Variants in DDAH1 observed in about 807,000 individuals in gnomAD.
The protein encoded by DDAH1 is dimethylarginine dimethylaminohydrolase 1, also known as N(G),N(G)-dimethylarginine dimethylaminohydrolase 1.
DDAH1 carries 19 observed loss-of-function variants against 28.8 expected under a neutral mutation model. The observed-to-expected ratio is 0.66, with a 90% CI of 0.46 to 0.97. DDAH1 has a LOEUF of 0.97. DDAH1 is among the 50% of genes least tolerant of loss of function. The pLI is 0.00. For synonymous variants in DDAH1, 153 were observed against 154.4 expected (o/e 0.99, Z 0.07); for missense variants, 326 against 375.9 (o/e 0.87, Z 1.10).
chr1:85,473,773 C>A (rs991957744), intron 2 of DDAH1, among the ~76,000 whole-genome samples: 5 of 152,148 alleles, frequency 3.3e-5, no homozygotes, highest in African/African-American at 1.2e-4. Flanking sequence ...TTTCCTCATT[C>A]TTTCCTTTAA....
intron 1 of DDAH1, among the ~76,000 whole-genome samples, chr1:85,421,408 A>C (rs1653135828): frequency 6.6e-6 from 1 of 152,184 alleles, no homozygotes; most frequent in Non-Finnish European, 1.5e-5. Flanking sequence ...TAACACAGTT[A>C]GATTGGTTTT....
At chr1:85,363,287 G>C (rs12130145) in intron 1 of DDAH1, among the ~76,000 whole-genome samples, 23,101 of 152,224 alleles carry the variant, frequency 0.15, 2,141 homozygotes, top group Middle Eastern at 0.21. Flanking sequence ...TCTGCTGCTA[G>C]ATACTATGAA....
chr1:85,491,997 G>T (rs1437432793), intron 2 of DDAH1, among the ~76,000 whole-genome samples: 1 of 152,134 alleles, frequency 6.6e-6, no homozygotes, highest in Non-Finnish European at 1.5e-5. Context: ...TCAGGTGCTG[G>T]TCTAACACTT....
chr1:85,404,624 T>C lies in DDAH1; in HGVS notation c.304-45777A>G. 6.3e-6 allele frequency: 6 copies of C among 950,584 alleles called. No homozygotes were observed. In the South Asian group the frequency reaches 2.1e-4, roughly 34 times the overall value. The allele number at this position is 950,584 out of a possible 1,614,324, so 58.9% of individuals were successfully genotyped here. A position where few individuals can be genotyped will look rare whatever the true frequency, so the allele number is the denominator to read the frequency against. On this transcript the variant is annotated intron_variant, in intron 1 of 5. Coordinates refer to ENST00000284031, the MANE Select transcript of DDAH1 (RefSeq NM_012137.4). ...TGTCTGCTGAAACCGAATCCAAGAG[T>C]TCAATGATACTGTAGACTCAAGTAT...
intron 1 of DDAH1, chr1:85,379,587 T>A (rs183519909): frequency 1.0e-6 from 1 of 985,216 alleles, no homozygotes; most frequent in Admixed American, 6.1e-5. Context: ...TTACATAACT[T>A]GTGAAAGAGT....
intron 2 of DDAH1, among the ~76,000 whole-genome samples, chr1:85,472,247 G>A (rs950950231): frequency 3.3e-5 from 5 of 152,210 alleles, no homozygotes; most frequent in African/African-American, 4.8e-5. Flanking sequence ...TCAGAGAGGC[G>A]AAGGAGAATC....
Position 85,321,579 on chromosome 1 carries a change from A to G in DDAH1, c.742-11T>C. 4.4e-6 allele frequency: 7 copies of G among 1,578,354 alleles called. No individual in the cohort carries two copies. Among genetic ancestry groups the G allele is most frequent in the Non-Finnish European group, 6.1e-6 (7 of 1,147,708 alleles). On this transcript the variant is annotated splice_polypyrimidine_tract_variant and intron_variant, in intron 5 of 5. Coordinates refer to ENST00000284031, the MANE Select transcript of DDAH1 (RefSeq NM_012137.4). ...CAGTTTCTCATAAACCTACAGTGGG[A>G]ATCAAGGAAAAGGAAGAAAAGAAGG...
At chr1:85,472,821 A>G (rs1046703278) in intron 2 of DDAH1, among the ~76,000 whole-genome samples, 14 of 152,144 alleles carry the variant, frequency 9.2e-5, no homozygotes, top group African/African-American at 3.1e-4. Context: ...CCATCATCCA[A>G]GTAGTGAACA....
At chr1:85,363,022 T>G (rs1209863267) in intron 1 of DDAH1, among the ~76,000 whole-genome samples, 1 of 152,250 alleles carries the variant, frequency 6.6e-6, no homozygotes, top group Non-Finnish European at 1.5e-5. Flanking sequence ...ATAGTTTTAC[T>G]AGGAAGCTAT....
intron 1 of DDAH1, among the ~76,000 whole-genome samples, chr1:85,410,305 A>C (rs1652589797): frequency 6.6e-6 from 1 of 151,968 alleles, no homozygotes; most frequent in South Asian, 2.1e-4. Flanking sequence ...AGATCTACAG[A>C]AATTTCCTTA....
In DDAH1 at chr1:85,464,682, G is replaced by A. The variant is rs913824776; in HGVS notation, c.303+61C>T. 3.5e-6 allele frequency: 5 copies of A among 1,427,312 alleles called. No individual in the cohort carries two copies. Among genetic ancestry groups the A allele is most frequent in the Non-Finnish European group, 3.6e-6 (4 of 1,097,092 alleles). 88.4% of individuals were successfully genotyped at this position (1,427,312 alleles called of 1,614,324 possible). A position where few individuals can be genotyped will look rare whatever the true frequency, so the allele number is the denominator to read the frequency against. ...GGCGCGACTCCCCAGGCAACACGGC[G>A]GCCGGCGGCGGGGGAGGGCCTGGCG... On this transcript the variant is annotated intron_variant, in intron 1 of 5. Transcript: ENST00000284031. The surrounding 1 kb of genome is among the most constrained non-coding windows in gnomAD (Gnocchi z 4.4).
At chr1:85,439,143 G>C (rs1044490409) in intron 1 of DDAH1, among the ~76,000 whole-genome samples, 2 of 125,452 alleles carry the variant, frequency 1.6e-5, no homozygotes, top group Non-Finnish European at 3.3e-5. Context: ...TATTTCTGCA[G>C]TTTTACTATC....
In DDAH1 at chr1:85,358,686, C is replaced by G. The variant is rs1229630959; in HGVS notation, c.403+62G>C. ...AAAAACACAAAAAACTATAATAAAA[C>G]AAGTAAATACAAGCCAAGTATTAAA... is the stretch of plus-strand genomic sequence containing the variant. On this transcript the variant is annotated intron_variant, in intron 2 of 5. Coordinates refer to ENST00000284031, the MANE Select transcript of DDAH1 (RefSeq NM_012137.4). The G allele has an allele frequency of 3.3e-6, 4 of 1,212,580 alleles. No individual in the cohort carries two copies. In the African/African-American group the frequency reaches 6.2e-5, roughly 19 times the overall value. 75.1% of individuals were successfully genotyped at this position (1,212,580 alleles called of 1,614,324 possible). A position where few individuals can be genotyped will look rare whatever the true frequency, so the allele number is the denominator to read the frequency against.
intron 4 of DDAH1, among the ~76,000 whole-genome samples, chr1:85,343,862 T>C (rs1030935317): frequency 6.6e-6 from 1 of 152,184 alleles, no homozygotes; most frequent in African/African-American, 2.4e-5. Flanking sequence ...ATAAAAGCAA[T>C]GCTGCAGCTG....
chr1:85,496,171 A>G (rs1388553278), exon 2 of DDAH1: 1 of 946,976 alleles, frequency 1.1e-6, no homozygotes, highest in Non-Finnish European at 1.3e-6. Flanking sequence ...CTTACCTAAT[A>G]TAAATTTAGA....
At chr1:85,570,601 C>A (rs535468507) in intron 1 of DDAH1, among the ~76,000 whole-genome samples, 2 of 152,336 alleles carry the variant, frequency 1.3e-5, no homozygotes, top group Admixed American at 1.3e-4. Flanking sequence ...AATCTGTCAT[C>A]TGTCCCTGGA....
At chr1:85,415,751 T>C (rs1232045582) in intron 1 of DDAH1, among the ~76,000 whole-genome samples, 3 of 152,346 alleles carry the variant, frequency 2.0e-5, no homozygotes. Flanking sequence ...GACGAGTAGT[T>C]ACCTCTGTGG....
At chr1:85,336,178 TC>T (rs1451193922) in intron 4 of DDAH1, among the ~76,000 whole-genome samples, 1 of 152,074 alleles carries the variant, frequency 6.6e-6, no homozygotes, top group Non-Finnish European at 1.5e-5. Flanking sequence ...GAACATTTCA[TC>T]CAATAGCTGC....
intron 1 of DDAH1, among the ~76,000 whole-genome samples, chr1:85,405,821 G>A (rs930749507): frequency 8.5e-5 from 13 of 152,114 alleles, no homozygotes; most frequent in Non-Finnish European, 1.9e-4. Context: ...AGACTATCCC[G>A]TTCTCTTATT....
Sources: gnomAD v4.1 joint callset for allele counts (sites outside exome capture counted in the v4.1 genomes callset) on GRCh38, gnomAD v4.1.1 for gene constraint, Gnocchi (gnomAD v3.1) non-coding constraint, MANE v1.5 for transcripts, NCBI Gene and HGNC (gene_info 2026-07-23, HGNC 2026-07-21) for gene names.